TRRAP: variants seen among roughly 807,000 people sequenced by gnomAD.
TRRAP encodes the protein transformation/transcription domain-associated protein.
Under a neutral mutation model 438.8 loss-of-function variants are expected in TRRAP, and 41 were observed. The ratio of observed to expected loss-of-function variants is 0.09; its 90% CI spans 0.07 to 0.12. The LOEUF (loss-of-function observed/expected upper bound fraction) is 0.12. Among genes scored for constraint, TRRAP ranks in the 10% least tolerant of loss-of-function variants. TRRAP has a pLI of 1.00. For missense variants in TRRAP, 3,122 were observed against 5,055.1 expected, an observed-to-expected ratio of 0.62 and a Z score of 11.60; for synonymous variants, 1,994 against 1,962.9, an observed-to-expected ratio of 1.02 and a Z score of -0.42.
intron 11 of TRRAP, among the ~76,000 whole-genome samples, chr7:98,902,606 G>A (rs1337064024): frequency 7.0e-6 from 1 of 143,328 alleles, no homozygotes; most frequent in Non-Finnish European, 1.6e-5. Context: ...AACATTTGGT[G>A]TAAAAAGTCA....
chr7:98,997,972 A>C (rs1422163832), intron 67 of TRRAP, among the ~76,000 whole-genome samples: 1 of 152,256 alleles, frequency 6.6e-6, no homozygotes, highest in Admixed American at 6.5e-5. Context: ...CAGTAGATCA[A>C]AATGATGCTG....
chr7:99,008,066 C>T (rs906894164), intron 69 of TRRAP, among the ~76,000 whole-genome samples: 6 of 152,084 alleles, frequency 3.9e-5, no homozygotes, highest in Non-Finnish European at 8.8e-5. Flanking sequence ...CCTCGTGATC[C>T]GCCCACTGTG....
chr7:99,009,381 G>C (rs910619508), intron 70 of TRRAP, among the ~76,000 whole-genome samples: 1 of 152,180 alleles, frequency 6.6e-6, no homozygotes, highest in Non-Finnish European at 1.5e-5. Context: ...GACTTAGTTT[G>C]GTTGAGGAAG....
chr7:98,962,006 G>A (rs750323656), intron 46 of TRRAP, among the ~76,000 whole-genome samples: 35 of 152,184 alleles, frequency 2.3e-4, no homozygotes, highest in Non-Finnish European at 3.1e-4. Flanking sequence ...ATTTTTTTAA[G>A]CTACTAAAGA....
intron 30 of TRRAP, among the ~76,000 whole-genome samples, chr7:98,940,773 C>T (rs1202863299): frequency 6.6e-6 from 1 of 152,210 alleles, no homozygotes; most frequent in Non-Finnish European, 1.5e-5. Flanking sequence ...TGGCAGAGGT[C>T]TTCCTGAATT....
chr7:98,990,377 G>A, intron 63 of TRRAP, 78 bp from the exon 64 acceptor site: 2 of 1,545,954 alleles, frequency 1.3e-6, no homozygotes, highest in Non-Finnish European at 1.8e-6. Flanking sequence ...ATACAGTGTT[G>A]TAATGTTGGG....
chr7:99,005,260 AGAG>A lies in TRRAP; in HGVS notation c.10669_10671del (p.Glu3557del). 6.2e-7 allele frequency: 1 copy of A among 1,614,074 alleles called. No homozygotes were observed. Among genetic ancestry groups the A allele is most frequent in the Non-Finnish European group, 8.5e-7 (1 of 1,180,006 alleles). ...ACGCCTGCCTCACAGAGTCACGGCG[AGAG>A]GAGCGTGTGTTGCAGCTGCTGCGTC... On this transcript the variant is annotated inframe_deletion, in exon 69 of 73. Transcript: ENST00000456197. This position sits in a 1 kb window ranked among gnomAD's most constrained non-coding sequence, Gnocchi z 5.1.
intron 7 of TRRAP, 112 bp from the exon 8 acceptor site, chr7:98,897,629 T>C: frequency 1.5e-6 from 2 of 1,377,040 alleles, no homozygotes; most frequent in Non-Finnish European, 1.9e-6. Flanking sequence ...GAACATACTG[T>C]TTTTTTCCAC....
chr7:98,990,767 TTAATA>T (rs1295968219), intron 64 of TRRAP, 148 bp downstream of exon 64: 5 of 886,598 alleles, frequency 5.6e-6, no homozygotes, highest in Non-Finnish European at 8.1e-6. Context: ...TAGATATTAT[TTAATA>T]TAAAGCATAA....
At chr7:98,997,450 A>C (rs1321474509) in intron 67 of TRRAP, among the ~76,000 whole-genome samples, 3 of 146,658 alleles carry the variant, frequency 2.0e-5, no homozygotes, top group Non-Finnish European at 3.0e-5. Context: ...AGTAGGTATC[A>C]GTCCAAAATT....
chr7:98,999,289 T>C, intron 67 of TRRAP: 1 of 1,222,882 alleles, frequency 8.2e-7, no homozygotes, highest in Non-Finnish European at 1.2e-6. Flanking sequence ...AACAGTCTAC[T>C]ATTAAAGCAT....
rs1257273900 is a variant in TRRAP, at chr7:98,985,003, A to G, written c.9348A>G (p.Glu3116=). 6.2e-7 allele frequency: 1 copy of G among 1,613,762 alleles called. No homozygotes were observed. The highest frequency in any genetic ancestry group is 8.5e-7 in the Non-Finnish European group (1 of 1,179,768). Residue 3116 remains glutamate (E), a synonymous_variant, in exon 62 of 73, where the codon GAA becomes GAG. Transcript: ENST00000456197. ...LKYFTKEMTA[E]FYALKGMFLA... is the part of the protein sequence containing the mutation. ...ACTTCACAAAAGAGATGACAGCCGA[A>G]TTTTATGCACTGAAGGGAATGTTCT...
intron 69 of TRRAP, among the ~76,000 whole-genome samples, chr7:99,007,000 C>T (rs1034833488): frequency 1.3e-5 from 2 of 152,172 alleles, no homozygotes; most frequent in East Asian, 3.8e-4. Flanking sequence ...ACAGTGGTTT[C>T]GGTGCAGGTT....
intron 1 of TRRAP, among the ~76,000 whole-genome samples, chr7:98,879,507 C>A (rs73711442): frequency 6.6e-6 from 1 of 151,704 alleles, no homozygotes; most frequent in African/African-American, 2.4e-5. Context: ...GTCTTGGGTC[C>A]CCTCGGATGG....
At chr7:98,886,535 T>G (rs539964737) in intron 3 of TRRAP, among the ~76,000 whole-genome samples, 71 of 152,154 alleles carry the variant, frequency 4.7e-4, no homozygotes, top group African/African-American at 1.6e-3. Flanking sequence ...TCTAGAGAGA[T>G]AGTATATAGC....
chr7:99,009,880 CTTTTT>C (rs138174570), intron 70 of TRRAP, among the ~76,000 whole-genome samples: 1 of 96,694 alleles, frequency 1.0e-5, no homozygotes, highest in Non-Finnish European at 1.9e-5. Flanking sequence ...TCATTCTTCT[CTTTTT>C]TTTTTTTTTT....
chr7:98,936,968 G>T (rs1790584295), intron 28 of TRRAP, among the ~76,000 whole-genome samples, 188 bp from the exon 29 acceptor site: 1 of 152,192 alleles, frequency 6.6e-6, no homozygotes, highest in African/African-American at 2.4e-5. Flanking sequence ...GTGGCTCACA[G>T]CTGTAATCCT....
At chr7:98,903,976 A>G (rs1554407137) in intron 12 of TRRAP, among the ~76,000 whole-genome samples, 1 of 151,914 alleles carries the variant, frequency 6.6e-6, no homozygotes, top group Non-Finnish European at 1.5e-5. Context: ...CGCCCGGTTA[A>G]TTTTTTTATT....
chr7:99,008,545 C>G lies in TRRAP; in HGVS notation c.10922C>G (p.Thr3641Ser), dbSNP rs1298588355. 1.4e-5 allele frequency: 23 copies of G among 1,613,588 alleles called. No individual in the cohort carries two copies. The highest frequency in any genetic ancestry group is 1.9e-5 in the Non-Finnish European group (22 of 1,179,972). The change falls in exon 70 of 73, where the codon ACC becomes AGC. Residue 3641 changes from threonine (T) to serine (S), a missense_variant. By Grantham distance (58) the Thr-to-Ser change is moderately conservative. This residue lies in a region of TRRAP where 192 missense variants were observed against 355.6 expected (regional missense o/e 0.54). Transcript: ENST00000456197. ...CTGGCTACGGTGCAGGCGCGGGGAA[C>G]CCAAGCCAGCCACCAGGTAGCAGTG... ...DRLATVQARGTQASHQVLRDI... is the reference protein window; with the variant it reads ...DRLATVQARGSQASHQVLRDI...
Sources: allele counts gnomAD v4.1 joint callset (sites outside exome capture counted in the v4.1 genomes callset), GRCh38; gene constraint gnomAD v4.1.1; regional missense constraint gnomAD v4.1.1; non-coding constraint Gnocchi (gnomAD v3.1); transcripts MANE v1.5; gene names NCBI Gene and HGNC (gene_info 2026-07-23, HGNC 2026-07-21).